LRRC75A: variants seen among roughly 807,000 people sequenced by gnomAD.
LRRC75A encodes the protein leucine rich repeat containing 75A.
LRRC75A carries 12 observed loss-of-function variants against 26.0 expected under a neutral mutation model. The ratio of observed to expected loss-of-function variants is 0.46; its 90% confidence interval spans 0.30 to 0.75. The LOEUF is 0.75. LRRC75A is among the 30% of genes least tolerant of loss of function. The probability of loss-of-function intolerance (pLI) is 0.08; values close to 1 mark genes in which losing one functional copy is unlikely to be tolerated. For missense variants in LRRC75A, 410 were observed against 486.6 expected (o/e 0.84, Z 1.48); for synonymous variants, 223 against 219.3 (o/e 1.02, Z -0.15).
At chr17:16,459,555 A>G (rs2093711665) in intron 2 of LRRC75A, among the ~76,000 whole-genome samples, 1 of 152,248 alleles carries the variant, frequency 6.6e-6, no homozygotes. Context: ...AGACTCAGGC[A>G]AAGCCAGATG....
In LRRC75A at chr17:16,443,162, T is replaced by C. The variant is rs1015561640; in HGVS notation, c.*426A>G. On this transcript the variant is annotated 3_prime_UTR_variant, in exon 4 of 4. Transcript: ENST00000470794. Reference sequence around the variant, plus strand: ...CTTGAGTGGGGACACATTCCTCTGGTTGGAGCTTGTTCCCCTAAATGAAAA... The same window carrying C: ...CTTGAGTGGGGACACATTCCTCTGGCTGGAGCTTGTTCCCCTAAATGAAAA... 6.1e-6 allele frequency: 1 copy of C among 163,646 alleles called. No homozygotes were observed. The highest frequency in any genetic ancestry group is 1.3e-5 in the Non-Finnish European group (1 of 76,006). 10.1% of individuals were successfully genotyped at this position (163,646 alleles called of 1,614,324 possible).
chr17:16,458,174 C>T (rs540598929), intron 2 of LRRC75A, among the ~76,000 whole-genome samples: 1 of 152,106 alleles, frequency 6.6e-6, no homozygotes, highest in Admixed American at 6.5e-5. Context: ...GTTGTGGTGG[C>T]AGGTGCCTGT....
intron 1 of LRRC75A, among the ~76,000 whole-genome samples, chr17:16,464,213 C>T (rs2093750620): frequency 6.6e-6 from 1 of 152,110 alleles, no homozygotes; most frequent in South Asian, 2.1e-4. Flanking sequence ...GCCAGGCTCT[C>T]TGGCTGCTGA....
intron 1 of LRRC75A, among the ~76,000 whole-genome samples, chr17:16,480,410 G>A (rs961165721): frequency 6.6e-6 from 1 of 151,996 alleles, no homozygotes; most frequent in Admixed American, 6.6e-5. Flanking sequence ...TGGGCGGAAT[G>A]CCTGAGCTCA....
At chr17:16,452,349 A>AAAACC (rs1237644851) in intron 2 of LRRC75A, among the ~76,000 whole-genome samples, 13 of 152,078 alleles carry the variant, frequency 8.5e-5, no homozygotes, top group South Asian at 2.1e-4. Flanking sequence ...CTAGTCTCAA[A>AAAACC]AAACCAAACC....
At chr17:16,456,175 GGAGGAGGAA>G (rs1165558984) in intron 2 of LRRC75A, among the ~76,000 whole-genome samples, 2 of 116,522 alleles carry the variant, frequency 1.7e-5, no homozygotes, top group South Asian at 2.6e-4. Context: ...AGGAGGGGTA[GGAGGAGGAA>G]GAGGAGGAAG....
At chr17:16,459,753 C>T (rs921976690) in intron 2 of LRRC75A, among the ~76,000 whole-genome samples, 1 of 152,180 alleles carries the variant, frequency 6.6e-6, no homozygotes, top group African/African-American at 2.4e-5. Flanking sequence ...CCAGGATGTC[C>T]TGGTCAGCCC....
At chr17:16,471,292 C>A (rs965895260) in intron 1 of LRRC75A, among the ~76,000 whole-genome samples, 1 of 152,170 alleles carries the variant, frequency 6.6e-6, no homozygotes, top group Non-Finnish European at 1.5e-5. Context: ...TGGACACGGC[C>A]CTGCCGACAC....
Position 16,442,867 on chromosome 17 carries a change from G to T in LRRC75A, c.*721C>A, listed in dbSNP as rs4570894. The T allele has an allele frequency of 0.16, 23,880 of 152,262 alleles. 1,961 individuals carry two copies. The highest frequency in any genetic ancestry group is 0.27 in the South Asian group (1,280 of 4,830). The allele number at this position is 152,262 out of a possible 1,614,324, so 9.4% of individuals were successfully genotyped here. ...CAGCCAGCAGTGGGTAGGGAAGGTGGATAGGGGATTTCTGAACAGGACTTT... is the reference window on the plus strand; with the variant it reads ...CAGCCAGCAGTGGGTAGGGAAGGTGTATAGGGGATTTCTGAACAGGACTTT... On this transcript the variant is annotated 3_prime_UTR_variant, in exon 4 of 4. Transcript: ENST00000470794.
At chr17:16,451,130 G>A (rs2143014092) in intron 2 of LRRC75A, among the ~76,000 whole-genome samples, 1 of 152,236 alleles carries the variant, frequency 6.6e-6, no homozygotes, top group East Asian at 1.9e-4. Flanking sequence ...TAAGCAGGAG[G>A]GAGAGAGAAC....
At position 16,462,258 on chromosome 17, in the gene LRRC75A, C is replaced by T. The variant is rs777472340; in HGVS notation, c.375G>A (p.Pro125=). ...CTGGCTCGGACCACAGCCACCCTAC[C>T]GGCTTGGGACAGTGGATGTAGCGTG... ...SLARYIHCPK[P]EGDALGAMEK... The change falls in exon 2 of 4, where the codon CCG becomes CCA. Residue 125 remains proline, a splice_region_variant and synonymous_variant. Coordinates refer to ENST00000470794, the MANE Select transcript of LRRC75A (RefSeq NM_001113567.3). This position sits in a 1 kb window ranked among gnomAD's most constrained non-coding sequence, Gnocchi z 4.6. 3.4e-5 allele frequency: 55 copies of T among 1,613,852 alleles called. No homozygotes were observed. Among genetic ancestry groups the T allele is most frequent in the Admixed American group, 3.3e-5 (2 of 59,976 alleles).
At position 16,447,977 on chromosome 17, in the gene LRRC75A, G is replaced by A; in HGVS notation, c.376-17C>T. 6.5e-7 allele frequency: 1 copy of A among 1,547,754 alleles called. No individual in the cohort carries two copies. The highest frequency in any genetic ancestry group is 8.7e-7 in the Non-Finnish European group (1 of 1,144,192). On this transcript the variant is annotated splice_polypyrimidine_tract_variant and intron_variant, in intron 2 of 3. Transcript: ENST00000470794. ...ATCGCCTTCCTGCAGAGGCAACCAT[G>A]GGTGGTAGGGCCCTGAGTGGCTGGG...
At chr17:16,456,441 GGAGGAGGAA>G (rs527942680) in intron 2 of LRRC75A, among the ~76,000 whole-genome samples, 32 of 150,060 alleles carry the variant, frequency 2.1e-4, no homozygotes, top group Admixed American at 1.0e-3. Context: ...AGAAGGAAGA[GGAGGAGGAA>G]GAGGAAGAAG....
intron 1 of LRRC75A, among the ~76,000 whole-genome samples, chr17:16,477,628 C>T (rs1349322258): frequency 6.6e-6 from 1 of 152,206 alleles, no homozygotes; most frequent in East Asian, 1.9e-4. Context: ...GGGCAGAAGC[C>T]GGCCCAGGAA....
chr17:16,466,299 G>T (rs913561350), intron 1 of LRRC75A, among the ~76,000 whole-genome samples: 3 of 152,176 alleles, frequency 2.0e-5, no homozygotes, highest in African/African-American at 7.2e-5. Flanking sequence ...CTGGGAATGG[G>T]CTCCTTTCAG....
chr17:16,473,875 G>A (rs7216088), intron 1 of LRRC75A, among the ~76,000 whole-genome samples: 86,315 of 152,042 alleles, frequency 0.57, 26,620 homozygotes, highest in East Asian at 0.85. Context: ...GCTGGGCAGC[G>A]ATGTTTGGCA....
chr17:16,485,162 C>G (rs1180622095), intron 1 of LRRC75A, among the ~76,000 whole-genome samples: 2 of 152,148 alleles, frequency 1.3e-5, no homozygotes, highest in Non-Finnish European at 2.9e-5. Context: ...ACCAAATGTG[C>G]TGTTTTAGAT....
rs2093857344 is a variant in LRRC75A, at chr17:16,491,608, G to A, written c.246+137C>T. The stretch of plus-strand genomic sequence containing the variant: ...GCCGAGGCACCTGCTGCCAGACAGG[G>A]CTCCATCCCCGCGGAAGGGGCCCCT... On this transcript the variant is annotated intron_variant, in intron 1 of 3. Transcript: ENST00000470794. This position sits in a 1 kb window ranked among gnomAD's most constrained non-coding sequence, Gnocchi z 5.9. 3.7e-6 allele frequency: 2 copies of A among 539,596 alleles called. No individual in the cohort carries two copies. The highest frequency in any genetic ancestry group is 2.8e-6 in the Non-Finnish European group (1 of 362,834). The allele number at this position is 539,596 out of a possible 1,614,324, so 33.4% of individuals were successfully genotyped here.
At chr17:16,466,719 G>A (rs370095899) in intron 1 of LRRC75A, among the ~76,000 whole-genome samples, 12 of 152,296 alleles carry the variant, frequency 7.9e-5, no homozygotes, top group Non-Finnish European at 1.2e-4. Context: ...TTTCAAAGAA[G>A]GGGGCCCTAC....
Sources: allele counts gnomAD v4.1 joint callset (sites outside exome capture counted in the v4.1 genomes callset), GRCh38; gene constraint gnomAD v4.1.1; non-coding constraint Gnocchi (gnomAD v3.1); transcripts MANE v1.5; gene names NCBI Gene and HGNC (gene_info 2026-07-23, HGNC 2026-07-21).